The following ZNF385D variants were observed in gnomAD, a reference collection of about 807,000 sequenced individuals.
ZNF385D encodes the protein zinc finger protein 659.
In ZNF385D, 15 loss-of-function variants were observed where a neutral mutation model predicts 35.8. The ratio of observed to expected loss-of-function variants is 0.42; its 90% CI spans 0.28 to 0.64. ZNF385D has a LOEUF of 0.64. ZNF385D is among the 30% of genes least tolerant of loss of function. The pLI, the probability that ZNF385D is intolerant of heterozygous loss-of-function variation, is 0.23. For synonymous variants in ZNF385D, 212 were observed against 186.8 expected, an observed-to-expected ratio of 1.13 and a Z score of -1.10; for missense variants, 474 against 494.6, an observed-to-expected ratio of 0.96 and a Z score of 0.39.
At chr3:21,658,905 T>G (rs532068906) in intron 2 of ZNF385D, among the ~76,000 whole-genome samples, 1 of 152,196 alleles carries the variant, frequency 6.6e-6, no homozygotes, top group African/African-American at 2.4e-5. Context: ...CCTGCCAGTG[T>G]AGAGTACACT....
At chr3:21,523,887 G>A (rs1708064052) in intron 3 of ZNF385D, among the ~76,000 whole-genome samples, 1 of 152,168 alleles carries the variant, frequency 6.6e-6, no homozygotes, top group African/African-American at 2.4e-5. Context: ...GGAGTGAAAG[G>A]TAAAAGGATC....
rs79008507 is a variant in ZNF385D at position 21,856,999 on chromosome 3, C to T, written c.326-191971G>A. Among the ~76,000 whole-genome samples the T allele has an allele frequency of 7.7e-3, 1,164 of 152,144 alleles. 52 individuals carry two copies. In the East Asian group the frequency reaches 0.11, roughly 14 times the overall value. ...CTTCTCATGTTTAACCATGTTCCACCTAAGAAGGGTTCTATTCGAAGCAGA... is the reference window on the plus strand; with the variant it reads ...CTTCTCATGTTTAACCATGTTCCACTTAAGAAGGGTTCTATTCGAAGCAGA... On this transcript the variant is annotated intron_variant, in intron 3 of 5. Coordinates refer to the ZNF385D transcript ENST00000494108.
intron 3 of ZNF385D, among the ~76,000 whole-genome samples, chr3:21,839,795 A>C (rs1695552776): frequency 6.6e-6 from 1 of 152,096 alleles, no homozygotes; most frequent in Middle Eastern, 3.4e-3. Context: ...CAAATGCCTG[A>C]CCTGCACTTG....
intron 1 of ZNF385D, among the ~76,000 whole-genome samples, chr3:21,733,998 T>G (rs1473303065): frequency 2.0e-5 from 3 of 152,168 alleles, no homozygotes; most frequent in Non-Finnish European, 2.9e-5. Context: ...TTGGTATATT[T>G]TAGAATATGC....
chr3:21,778,358 C>T (rs972117799), intron 3 of ZNF385D, among the ~76,000 whole-genome samples: 3 of 151,902 alleles, frequency 2.0e-5, no homozygotes, highest in Non-Finnish European at 4.4e-5. Flanking sequence ...CTCCCAACTA[C>T]TTCATTTTAT....
At chr3:21,694,535 G>A (rs1314373285) in intron 1 of ZNF385D, among the ~76,000 whole-genome samples, 4 of 152,132 alleles carry the variant, frequency 2.6e-5, no homozygotes, top group Non-Finnish European at 1.5e-5. Flanking sequence ...TGGGTACTCA[G>A]GGAAGATTCT....
At chr3:21,546,701 C>T (rs943328631) in intron 3 of ZNF385D, among the ~76,000 whole-genome samples, 27 of 151,948 alleles carry the variant, frequency 1.8e-4, no homozygotes, top group African/African-American at 5.1e-4. Flanking sequence ...CCATTTAAGC[C>T]AGCCGCAAGC....
At chr3:21,702,371 G>A (rs1386661543) in intron 1 of ZNF385D, among the ~76,000 whole-genome samples, 1 of 152,164 alleles carries the variant, frequency 6.6e-6, no homozygotes, top group Non-Finnish European at 1.5e-5. Context: ...GAGACAGAGG[G>A]CACCAAGTCC....
At chr3:21,768,219 G>A (rs2070915978) in intron 3 of ZNF385D, among the ~76,000 whole-genome samples, 1 of 152,112 alleles carries the variant, frequency 6.6e-6, no homozygotes, top group Non-Finnish European at 1.5e-5. Flanking sequence ...TAAAGATAGA[G>A]TTATTACCTA....
intron 3 of ZNF385D, among the ~76,000 whole-genome samples, chr3:21,928,958 C>CA (rs1700876291): frequency 6.6e-6 from 1 of 152,106 alleles, no homozygotes; most frequent in Non-Finnish European, 1.5e-5. Flanking sequence ...AAGGTGAGAA[C>CA]ATTTAACAAC....
At chr3:22,295,672 A>G (rs1013544158) in intron 2 of ZNF385D, among the ~76,000 whole-genome samples, 7 of 152,154 alleles carry the variant, frequency 4.6e-5, no homozygotes, top group Admixed American at 3.3e-4. Flanking sequence ...TATAAACATA[A>G]AAGAAAATCC....
intron 2 of ZNF385D, among the ~76,000 whole-genome samples, chr3:22,305,726 G>A (rs983414248): frequency 6.6e-6 from 1 of 152,112 alleles, no homozygotes; most frequent in Non-Finnish European, 1.5e-5. Flanking sequence ...AGCCTAGGAA[G>A]TATATTTCTA....
At chr3:21,757,136 T>TTTTTTTTTTTTTTTTG (rs1321404297) in intron 3 of ZNF385D, among the ~76,000 whole-genome samples, 1 of 139,878 alleles carries the variant, frequency 7.1e-6, no homozygotes, top group African/African-American at 2.6e-5. Flanking sequence ...TTTTTTTTTT[T>TTTTTTTTTTTTTTTTG]TTTGTTTTCT....
At chr3:22,334,490 C>T (rs1426418564) in intron 2 of ZNF385D, among the ~76,000 whole-genome samples, 5 of 152,116 alleles carry the variant, frequency 3.3e-5, no homozygotes, top group Non-Finnish European at 4.4e-5. Context: ...CATTGCTGCT[C>T]ATACATCTCT....
chr3:21,835,719 G>C lies in ZNF385D; in HGVS notation c.326-170691C>G, dbSNP rs549636541. Among the ~76,000 whole-genome samples the C allele has an allele frequency of 2.0e-5, 3 of 152,024 alleles. No individual in the cohort carries two copies. In the South Asian group the frequency reaches 6.2e-4, roughly 32 times the overall value. ...TATACTTGGAACTGTATTGTTATGGGGAAAGATGATACCTTTTACATTCCT... is the reference window on the plus strand; with the variant it reads ...TATACTTGGAACTGTATTGTTATGGCGAAAGATGATACCTTTTACATTCCT... On this transcript the variant is annotated intron_variant, in intron 3 of 5. Transcript: ENST00000494108.
intron 2 of ZNF385D, among the ~76,000 whole-genome samples, chr3:22,281,760 T>C (rs1416761749): frequency 6.6e-6 from 1 of 152,104 alleles, no homozygotes; most frequent in Non-Finnish European, 1.5e-5. Flanking sequence ...CTTCATAGAA[T>C]GATTTAGGAA....
At chr3:22,286,885 A>G (rs1463575927) in intron 2 of ZNF385D, among the ~76,000 whole-genome samples, 1 of 152,114 alleles carries the variant, frequency 6.6e-6, no homozygotes, top group African/African-American at 2.4e-5. Flanking sequence ...TGTGTTGGTT[A>G]GATCCATCTG....
chr3:22,163,352 C>T lies in ZNF385D; in HGVS notation c.325+5465G>A, dbSNP rs1253023387. ...CATAACGTACATCGCCGTCAGAAAC[C>T]GAAGTTAGTCTTAACTGCAGGAACA... is the stretch of plus-strand genomic sequence containing the variant. On this transcript the variant is annotated intron_variant, in intron 3 of 5. Coordinates refer to the ZNF385D transcript ENST00000494108. Among the ~76,000 whole-genome samples the T allele has an allele frequency of 2.6e-5, 4 of 152,194 alleles. No homozygotes were observed. In the East Asian group the frequency reaches 7.7e-4, roughly 29 times the overall value.
In ZNF385D at chr3:22,048,230, A is replaced by AT. The variant is rs1357014851; in HGVS notation, c.325+120586dup. ...TTTGTTGTTTCCTTTCCTATGCAGA[A>AT]TTTTTTTTAGTTTGCTGTAATCCCA... On this transcript the variant is annotated intron_variant, in intron 3 of 5. Transcript: ENST00000494108. 7.9e-5 allele frequency among the ~76,000 whole-genome samples: 12 copies of AT among 151,618 alleles called. No individual in the cohort carries two copies. In the South Asian group the frequency reaches 1.3e-3, roughly 16 times the overall value.
Sources: gnomAD v4.1 joint callset for allele counts (sites outside exome capture counted in the v4.1 genomes callset) on GRCh38, gnomAD v4.1.1 for gene constraint, MANE v1.5 for transcripts, NCBI Gene and HGNC (gene_info 2026-07-23, HGNC 2026-07-21) for gene names.